MECOM: variants seen among roughly 807,000 people sequenced by gnomAD.
MECOM encodes histone-lysine N-methyltransferase MECOM.
Under a neutral mutation model 116.3 loss-of-function variants are expected in MECOM, and 13 were observed. That is an observed-to-expected ratio of 0.11 (90% CI 0.07 to 0.18). The LOEUF is 0.18. Among genes scored for constraint, MECOM ranks in the 10% least tolerant of loss-of-function variants. The pLI, the probability that MECOM is intolerant of heterozygous loss-of-function variation, is 1.00. For synonymous variants in MECOM, 528 were observed against 535.2 expected, an observed-to-expected ratio of 0.99 and a Z score of 0.19; for missense variants, 1,299 against 1,509.0, an observed-to-expected ratio of 0.86 and a Z score of 2.31.
chr3:169,122,472 T>C lies in MECOM; in HGVS notation c.978+108A>G. 6.2e-6 allele frequency: 8 copies of C among 1,287,732 alleles called. No homozygotes were observed. The South Asian group carries it at 7.0e-5, about 11-fold the overall frequency. 79.8% of individuals were successfully genotyped at this position (1,287,732 alleles called of 1,614,324 possible). A position where few individuals can be genotyped will look rare whatever the true frequency, so the allele number is the denominator to read the frequency against. ...CACTCAGTGTACTTTTCTCAAGATATTTATAGTTTCCCCTCTGAAGGCTTG... is the reference window on the plus strand; with the variant it reads ...CACTCAGTGTACTTTTCTCAAGATACTTATAGTTTCCCCTCTGAAGGCTTG... On this transcript the variant is annotated intron_variant, in intron 6 of 16. Transcript: ENST00000651503.
chr3:169,100,473 T>C (rs765890766), intron 12 of MECOM, among the ~76,000 whole-genome samples: 83 of 152,094 alleles, frequency 5.5e-4, no homozygotes, highest in Non-Finnish European at 9.0e-4. Flanking sequence ...AAAAAGTACA[T>C]ATGGGTTATT....
intron 2 of MECOM, among the ~76,000 whole-genome samples, chr3:169,192,778 G>T (rs530115913): frequency 1.3e-5 from 2 of 152,128 alleles, no homozygotes; most frequent in Admixed American, 1.3e-4. Flanking sequence ...TGTGAAACTT[G>T]CATAAAGACC....
intron 2 of MECOM, among the ~76,000 whole-genome samples, chr3:169,227,053 T>C (rs1407924546): frequency 6.6e-6 from 1 of 152,098 alleles, no homozygotes; most frequent in African/African-American, 2.4e-5. Flanking sequence ...AGCTTCCTTT[T>C]GTGAAAAAGG....
intron 1 of MECOM, among the ~76,000 whole-genome samples, chr3:169,543,429 GT>G (rs2109245905): frequency 6.6e-6 from 1 of 152,228 alleles, no homozygotes; most frequent in East Asian, 1.9e-4. Context: ...TTTAAAATTA[GT>G]TGGGCATGGT....
chr3:169,519,058 G>A (rs938860515), intron 1 of MECOM, among the ~76,000 whole-genome samples: 6 of 152,154 alleles, frequency 3.9e-5, no homozygotes, highest in African/African-American at 1.2e-4. Flanking sequence ...TCTTGAATTT[G>A]ACAACCAGAG....
At chr3:169,247,714 T>C (rs1427911881) in intron 2 of MECOM, among the ~76,000 whole-genome samples, 3 of 152,256 alleles carry the variant, frequency 2.0e-5, no homozygotes, top group Admixed American at 6.5e-5. Context: ...ACAATAACTA[T>C]TTATTAAACA....
intron 4 of MECOM, 145 bp downstream of exon 4, chr3:169,131,284 T>C (rs982527947): frequency 2.7e-5 from 19 of 698,110 alleles, no homozygotes; most frequent in East Asian, 1.1e-4. Flanking sequence ...ACCAAGAAAA[T>C]AGCTGCTTCA....
intron 1 of MECOM, among the ~76,000 whole-genome samples, chr3:169,497,302 C>T (rs959110733): frequency 1.3e-5 from 2 of 152,042 alleles, no homozygotes; most frequent in Non-Finnish European, 2.9e-5. Flanking sequence ...TTGCAATAGC[C>T]CACTAACTAG....
intron 2 of MECOM, chr3:169,146,684 C>T (rs563274445): frequency 2.0e-5 from 26 of 1,302,914 alleles, no homozygotes; most frequent in Admixed American, 6.9e-5. Flanking sequence ...TTCACATCGC[C>T]CAGACTTTTT....
At chr3:169,394,127 C>T (rs6779380) in intron 1 of MECOM, among the ~76,000 whole-genome samples, 86,663 of 151,980 alleles carry the variant, frequency 0.57, 25,122 homozygotes, top group East Asian at 0.9. Context: ...TGTATTAATA[C>T]GTCTACTTCA....
At chr3:169,545,396 G>A (rs147561709) in intron 1 of MECOM, among the ~76,000 whole-genome samples, 271 of 152,246 alleles carry the variant, frequency 1.8e-3, no homozygotes, top group African/African-American at 6.4e-3. Context: ...CTCCTAAAGG[G>A]AGAATAAGGT....
Position 169,115,511 on chromosome 3 carries a change from C to A in MECOM, c.2361G>T (p.Lys787Asn). The A allele has an allele frequency of 6.2e-7, 1 of 1,614,142 alleles. No homozygotes were observed. The highest frequency in any genetic ancestry group is 2.2e-5 in the East Asian group (1 of 44,880). The change falls in exon 8 of 17, where the codon AAG (lysine) becomes AAT (asparagine). Residue 787 changes from lysine to asparagine, a missense_variant. This residue lies in a region of MECOM where 340 missense variants were observed against 312.6 expected (regional missense o/e 1.09). Coordinates refer to ENST00000651503, the MANE Select transcript of MECOM (RefSeq NM_004991.4). Reference protein sequence around the residue: ...MGSRSRASGTKLTEPRKNHVF... With the variant: ...MGSRSRASGTNLTEPRKNHVF... ...CGTGGTTTTTTCGAGGCTCAGTCAG[C>A]TTTGTCCCACTGGCTCTACTCCTAC... is the stretch of plus-strand genomic sequence containing the variant.
At chr3:169,380,106 A>AG (rs1234820129) in intron 2 of MECOM, among the ~76,000 whole-genome samples, 5 of 152,178 alleles carry the variant, frequency 3.3e-5, no homozygotes, top group Non-Finnish European at 2.9e-5. Flanking sequence ...GAGGACAAAA[A>AG]GTTGAAATTA....
chr3:169,146,177 G>T, intron 2 of MECOM: 1 of 1,078,068 alleles, frequency 9.3e-7, no homozygotes, highest in Non-Finnish European at 1.2e-6. Flanking sequence ...TTTAGAGAAA[G>T]GCCCTTTCAA....
chr3:169,472,667 GGAAAGGAGAGGAGAGGAAAGGAAAGGGA>G (rs1749721053), intron 1 of MECOM, among the ~76,000 whole-genome samples: 1 of 67,102 alleles, frequency 1.5e-5, no homozygotes, highest in African/African-American at 6.1e-5. Flanking sequence ...AGAAAGGAAA[GGAAAGGAGAGGAGAGGAAAGGAAAGGGA>G]AGGGAAGGAA....
chr3:169,356,144 T>C (rs1458032106), intron 2 of MECOM, among the ~76,000 whole-genome samples: 3 of 151,868 alleles, frequency 2.0e-5, no homozygotes, highest in African/African-American at 7.2e-5. Context: ...CTTCTGTTCT[T>C]GAAACATTCT....
intron 2 of MECOM, among the ~76,000 whole-genome samples, chr3:169,360,839 T>C (rs1176434659): frequency 6.6e-6 from 1 of 151,806 alleles, no homozygotes; most frequent in East Asian, 1.9e-4. Context: ...TATTTGTTAT[T>C]AGGTTATTCT....
At chr3:169,489,228 GC>G (rs1477992868) in intron 1 of MECOM, among the ~76,000 whole-genome samples, 2 of 152,134 alleles carry the variant, frequency 1.3e-5, no homozygotes, top group African/African-American at 4.8e-5. Flanking sequence ...TGAATATGTA[GC>G]TGATCTCCAA....
intron 2 of MECOM, among the ~76,000 whole-genome samples, chr3:169,158,191 T>C (rs1297781725): frequency 6.6e-6 from 1 of 152,228 alleles, no homozygotes; most frequent in East Asian, 1.9e-4. Flanking sequence ...TGGTGGTGGT[T>C]GTCGTCCCTG....
Sources: allele counts gnomAD v4.1 joint callset (sites outside exome capture counted in the v4.1 genomes callset), GRCh38; gene constraint gnomAD v4.1.1; regional missense constraint gnomAD v4.1.1; transcripts MANE v1.5; gene names NCBI Gene and HGNC (gene_info 2026-07-23, HGNC 2026-07-21).